The following ERI1 variants were observed in gnomAD, a reference collection of about 807,000 sequenced individuals.
ERI1 encodes the protein exoribonuclease 1.
A neutral mutation model predicts 39.7 loss-of-function variants in ERI1; 39 were observed. The ratio of observed to expected loss-of-function variants is 0.98; its 90% CI spans 0.76 to 1.28. ERI1 has a LOEUF of 1.28. ERI1 is among the 50% of genes most tolerant of loss of function. The probability of loss-of-function intolerance (pLI) is 0.00; values close to 1 mark genes in which losing one functional copy is unlikely to be tolerated. For synonymous variants in ERI1, 204 were observed against 149.6 expected, an observed-to-expected ratio of 1.36 and a Z score of -2.65; for missense variants, 581 against 416.9, an observed-to-expected ratio of 1.39 and a Z score of -3.43.
intron 3 of ERI1, among the ~76,000 whole-genome samples, chr8:9,067,230 C>CA (rs998486634): frequency 1.3e-5 from 2 of 152,100 alleles, no homozygotes; most frequent in Admixed American, 1.3e-4. Context: ...ATGTTATACT[C>CA]AAAGACTGTA....
chr8:9,064,100 G>A (rs1479713187), intron 3 of ERI1, among the ~76,000 whole-genome samples: 2 of 151,866 alleles, frequency 1.3e-5, no homozygotes, highest in South Asian at 4.2e-4. Flanking sequence ...AGGGGTCAGG[G>A]TGCAGAGATA....
At chr8:9,006,243 A>T (rs1480258837) in intron 1 of ERI1, among the ~76,000 whole-genome samples, 1 of 152,176 alleles carries the variant, frequency 6.6e-6, no homozygotes, top group Non-Finnish European at 1.5e-5. Flanking sequence ...CTTTCTGAGG[A>T]TTGGACCTCG....
At chr8:9,085,753 A>T (rs139310689) in intron 3 of ERI1, among the ~76,000 whole-genome samples, 1 of 152,164 alleles carries the variant, frequency 6.6e-6, no homozygotes, top group East Asian at 1.9e-4. Flanking sequence ...ATAAGAATTA[A>T]ACAGGAATAT....
At chr8:9,018,438 C>T (rs1003128264) in intron 5 of ERI1, 32 bp downstream of exon 5, 19 of 1,252,686 alleles carry the variant, frequency 1.5e-5, no homozygotes, top group Non-Finnish European at 2.2e-5. Flanking sequence ...TTTTTTATAT[C>T]TACTTTTTAA....
intron 3 of ERI1, among the ~76,000 whole-genome samples, chr8:9,064,640 G>A (rs954939238): frequency 2.6e-5 from 4 of 152,324 alleles, no homozygotes; most frequent in African/African-American, 9.6e-5. Context: ...AGAAGAGGCT[G>A]CTTACCCAAT....
At chr8:9,057,111 G>A (rs183536579) in intron 3 of ERI1, among the ~76,000 whole-genome samples, 1 of 151,936 alleles carries the variant, frequency 6.6e-6, no homozygotes, top group East Asian at 1.9e-4. Flanking sequence ...AGGATTACAG[G>A]CCTGAGCCAC....
chr8:9,042,936 C>T (rs1798069526), intron 3 of ERI1, among the ~76,000 whole-genome samples: 1 of 152,206 alleles, frequency 6.6e-6, no homozygotes, highest in South Asian at 2.1e-4. Flanking sequence ...ACGCGCAGTG[C>T]CGTATGTCCC....
At chr8:9,087,358 G>T (rs540616311) in intron 3 of ERI1, among the ~76,000 whole-genome samples, 1 of 150,770 alleles carries the variant, frequency 6.6e-6, no homozygotes, top group Non-Finnish European at 1.5e-5. Flanking sequence ...CCATTTTCCT[G>T]CCTCAGCCTC....
intron 6 of ERI1, among the ~76,000 whole-genome samples, chr8:9,028,520 G>T (rs779167123): frequency 2.0e-5 from 3 of 152,224 alleles, no homozygotes; most frequent in Admixed American, 6.5e-5. Flanking sequence ...CCCATTTTAC[G>T]GATGAAGAAG....
downstream of ERI1, among the ~76,000 whole-genome samples, chr8:9,034,600 T>C (rs1293207225): frequency 6.6e-6 from 1 of 152,054 alleles, no homozygotes; most frequent in Non-Finnish European, 1.5e-5. Flanking sequence ...ACGAACTTAA[T>C]TGATAAATGT....
Position 9,030,122 on chromosome 8 carries a change from C to T in ERI1, c.*88C>T. ...CATTGAATTAGTCCTGTAGTGCAAA[C>T]TTTAAGCACCTTAAAACATTTAAAA... On this transcript the variant is annotated 3_prime_UTR_variant, in exon 7 of 7. Coordinates refer to ENST00000250263, the MANE Select transcript of ERI1 (RefSeq NM_153332.4). 6.7e-7 allele frequency: 1 copy of T among 1,500,328 alleles called. No individual in the cohort carries two copies. The allele number at this position is 1,500,328 out of a possible 1,614,324, so 92.9% of individuals were successfully genotyped here. A position where few individuals can be genotyped will look rare whatever the true frequency, so the allele number is the denominator to read the frequency against.
chr8:9,066,143 C>G (rs1315273411), intron 3 of ERI1, among the ~76,000 whole-genome samples: 1 of 152,198 alleles, frequency 6.6e-6, no homozygotes, highest in Non-Finnish European at 1.5e-5. Context: ...TCTTCCTTGC[C>G]TCCACCTTCT....
intron 3 of ERI1, among the ~76,000 whole-genome samples, chr8:9,043,958 G>A (rs76657453): frequency 6.6e-6 from 1 of 152,216 alleles, no homozygotes; most frequent in South Asian, 2.1e-4. Context: ...GAGGCCTACG[G>A]TGTAGCATGG....
chr8:9,039,126 ATCAAATAATTATTCATTATACCTGTTAC>A (rs1476992374), intron 3 of ERI1, among the ~76,000 whole-genome samples: 1 of 152,242 alleles, frequency 6.6e-6, no homozygotes, highest in Non-Finnish European at 1.5e-5. Flanking sequence ...TACCAAGACT[ATCAAATAATTATTCATTATACCTGTTAC>A]TCTTTAACCT....
In ERI1 at chr8:9,049,179, T is replaced by C. The variant is rs1252401249; in HGVS notation, n.299+28715T>C. 2.7e-5 allele frequency among the ~76,000 whole-genome samples: 4 copies of C among 150,932 alleles called. No individual in the cohort carries two copies. The East Asian group carries it at 5.9e-4, about 22-fold the overall frequency. ...GGTGAAACCCCGTCTCTACTAAAAA[T>C]ACAAAAATTTGCCCGGCGTGGTGGC... On this transcript the variant is annotated intron_variant and non_coding_transcript_variant, in intron 3 of 3. Transcript: ENST00000518663.
chr8:9,096,784 A>G (rs1799890669), intron 3 of ERI1: 1 of 130,824 alleles, frequency 7.6e-6, no homozygotes, highest in Admixed American at 1.0e-4. Context: ...TTGCATGATC[A>G]TGGCTCACTG....
intron 3 of ERI1, among the ~76,000 whole-genome samples, chr8:9,072,722 G>A (rs1799092539): frequency 1.3e-5 from 2 of 152,042 alleles, no homozygotes. Flanking sequence ...CTTCACCAGA[G>A]CTTCATCTTG....
At chr8:9,020,740 C>G (rs1442622391) in intron 6 of ERI1, among the ~76,000 whole-genome samples, 1 of 152,082 alleles carries the variant, frequency 6.6e-6, no homozygotes, top group African/African-American at 2.4e-5. Flanking sequence ...AGCAAATGCT[C>G]CCCACTAGAT....
intron 3 of ERI1, among the ~76,000 whole-genome samples, chr8:9,083,506 G>A (rs1222241579): frequency 6.6e-6 from 1 of 152,062 alleles, no homozygotes; most frequent in African/African-American, 2.4e-5. Flanking sequence ...AGAACAGTGC[G>A]ATGAACCACC....
Sources: allele counts gnomAD v4.1 joint callset (sites outside exome capture counted in the v4.1 genomes callset), GRCh38; gene constraint gnomAD v4.1.1; transcripts MANE v1.5; gene names NCBI Gene and HGNC (gene_info 2026-07-23, HGNC 2026-07-21).